USH2A: variants seen among roughly 807,000 people sequenced by gnomAD.
The protein encoded by USH2A is usherin, also known as Usher syndrome 2A (autosomal recessive, mild).
In USH2A, 443 loss-of-function variants were observed where a neutral mutation model predicts 538.9. The ratio of observed to expected loss-of-function variants is 0.82; its 90% CI spans 0.76 to 0.89. The LOEUF (loss-of-function observed/expected upper bound fraction) is 0.89. Ranked by LOEUF, USH2A falls within the 40% of genes least tolerant of loss-of-function variation. The pLI is 0.00. For missense variants in USH2A, 6,633 were observed against 6,324.8 expected (o/e 1.05, Z -1.65); for synonymous variants, 2,413 against 2,273.5 (o/e 1.06, Z -1.75).
At chr1:216,027,499 T>C (rs532060479) in intron 32 of USH2A, among the ~76,000 whole-genome samples, 12 of 152,314 alleles carry the variant, frequency 7.9e-5, no homozygotes, top group South Asian at 6.2e-4. Context: ...ATTAGAAATA[T>C]ACGTTATTAT....
intron 25 of USH2A, 117 bp from the exon 26 acceptor site, chr1:216,083,703 A>G: frequency 2.0e-6 from 2 of 1,009,690 alleles, no homozygotes; most frequent in South Asian, 1.7e-5. Context: ...ACAAAAGAAG[A>G]TGCAAATCAA....
chr1:216,358,219 T>C (rs2038423934), intron 4 of USH2A, among the ~76,000 whole-genome samples: 1 of 152,164 alleles, frequency 6.6e-6, no homozygotes, highest in Non-Finnish European at 1.5e-5. Flanking sequence ...AGGTTGTTAC[T>C]TTCTGGGTGC....
rs538421209 is a variant in USH2A at position 216,026,134 on chromosome 1, T to G, written c.6325+20297A>C. On this transcript the variant is annotated intron_variant, in intron 32 of 71. Transcript: ENST00000307340. ...GTTTGAATGAGAGTGGAAGGTATAG[T>G]AAACATGGGGATGGAATTTTCATCC... 1.3e-4 allele frequency among the ~76,000 whole-genome samples: 20 copies of G among 152,280 alleles called. 1 individual carries two copies.
chr1:215,808,937 C>A (rs935712459), intron 49 of USH2A, among the ~76,000 whole-genome samples: 2 of 152,044 alleles, frequency 1.3e-5, no homozygotes, highest in African/African-American at 4.8e-5. Context: ...TCAAGACATA[C>A]TCAGGATTTT....
chr1:215,781,797 G>A (rs747363471), intron 54 of USH2A, among the ~76,000 whole-genome samples: 1 of 152,162 alleles, frequency 6.6e-6, no homozygotes, highest in Non-Finnish European at 1.5e-5. Flanking sequence ...AGATGGTACT[G>A]CTTCAAGATT....
intron 52 of USH2A, 26 bp from the exon 53 acceptor site, chr1:215,782,961 A>T (rs1661690551): frequency 6.3e-7 from 1 of 1,599,930 alleles, no homozygotes; most frequent in Non-Finnish European, 8.5e-7. Flanking sequence ...ATAGACAGGG[A>T]AGTTTCTCTT....
rs577435024 is a variant in USH2A, at chr1:216,386,849, C to T, written c.652-21764G>A. Among the ~76,000 whole-genome samples the T allele has an allele frequency of 2.8e-4, 42 of 152,030 alleles. No individual in the cohort carries two copies. The South Asian group carries it at 8.5e-3, about 31-fold the overall frequency. Reference sequence around the variant, plus strand: ...CAGCCTGGGCGACAGAGTGAGACTCCGTCTCAATGAGAAAAAAATAATAAT... The same window carrying T: ...CAGCCTGGGCGACAGAGTGAGACTCTGTCTCAATGAGAAAAAAATAATAAT... On this transcript the variant is annotated intron_variant, in intron 3 of 71. Coordinates refer to ENST00000307340, the MANE Select transcript of USH2A (RefSeq NM_206933.4).
In USH2A at chr1:215,680,318, C is replaced by T. The variant is rs1658184450; in HGVS notation, c.12125G>A (p.Gly4042Asp). Residue 4042 changes from glycine to aspartate, a missense_variant, in exon 62 of 72, where the codon GGT becomes GAT. By Grantham distance (94) the Gly-to-Asp change is moderately conservative. Coordinates refer to ENST00000307340, the MANE Select transcript of USH2A (RefSeq NM_206933.4). Reference sequence around the variant, plus strand: ...TCCTGCATGGTTTGCAGCCACAACACCAATGCGATATGTTGTGAATGGTTC... The same window carrying T: ...TCCTGCATGGTTTGCAGCCACAACATCAATGCGATATGTTGTGAATGGTTC... ...GLEPFTTYRI[G>D]VVAANHAGEI... 6.2e-7 allele frequency: 1 copy of T among 1,613,956 alleles called. No homozygotes were observed. Among genetic ancestry groups the T allele is most frequent in the South Asian group, 1.1e-5 (1 of 91,084 alleles).
In USH2A at chr1:215,650,789, T is replaced by C. The variant is rs2102645078; in HGVS notation, c.14146A>G (p.Asn4716Asp). The C allele has an allele frequency of 6.2e-7, 1 of 1,611,226 alleles. No homozygotes were observed. Among genetic ancestry groups the C allele is most frequent in the Non-Finnish European group, 8.5e-7 (1 of 1,179,686 alleles). Reference protein sequence around the residue: ...TEYEYQVWAVNSAGKAPSSWT... With the variant: ...TEYEYQVWAVDSAGKAPSSWT... ...CTACTGGGGGCTTTTCCTGCAGAAT[T>C]CACTGCCCAGACCTCCAAAGAGAAA... Residue 4716 changes from asparagine (N) to aspartate (D), a missense_variant, in exon 65 of 72, where the codon AAT becomes GAT. Transcript: ENST00000307340.
At chr1:215,793,357 A>G (rs1274563330) in intron 50 of USH2A, among the ~76,000 whole-genome samples, 1 of 152,092 alleles carries the variant, frequency 6.6e-6, no homozygotes, top group African/African-American at 2.4e-5. Flanking sequence ...AAGCCAAGGG[A>G]TATTTTAGGC....
chr1:215,869,419 G>T (rs1446675439), intron 43 of USH2A, among the ~76,000 whole-genome samples: 1 of 152,142 alleles, frequency 6.6e-6, no homozygotes, highest in Non-Finnish European at 1.5e-5. Flanking sequence ...CTAGCAGAGG[G>T]AATAGATTTT....
At position 216,247,078 on chromosome 1, in the gene USH2A, G is replaced by C; in HGVS notation, c.2316C>G (p.Ala772=). 2 of 1,613,988 alleles carry C rather than the reference G, an allele frequency of 1.2e-6. No homozygotes were observed. Among genetic ancestry groups the C allele is most frequent in the Non-Finnish European group, 1.7e-6 (2 of 1,179,936 alleles). Reference sequence around the variant, plus strand: ...TGCAGGTGTCACACTGAAGTCCTTTGGCTTCTTTTTTGCACTCACACTGCC... The same window carrying C: ...TGCAGGTGTCACACTGAAGTCCTTTCGCTTCTTTTTTGCACTCACACTGCC... ...HSGQCECKKE[A]KGLQCDTCRE... The change falls in exon 13 of 72, where the codon GCC becomes GCG. Residue 772 remains alanine (A), a synonymous_variant. Coordinates refer to ENST00000307340, the MANE Select transcript of USH2A (RefSeq NM_206933.4).
In USH2A at chr1:216,268,482, T is replaced by C. The variant is rs529293394; in HGVS notation, c.1972-17384A>G. Among the ~76,000 whole-genome samples the C allele has an allele frequency of 3.9e-5, 6 of 152,264 alleles. No homozygotes were observed. The East Asian group carries it at 1.2e-3, about 29-fold the overall frequency. ...TAAAGATGAAGTGGAAGTATTACTC[T>C]GTACATTTCACACTGGTATAGAGCA... On this transcript the variant is annotated intron_variant, in intron 11 of 71. Coordinates refer to ENST00000307340, the MANE Select transcript of USH2A (RefSeq NM_206933.4).
At chr1:215,707,792 C>T (rs1267057696) in intron 61 of USH2A, among the ~76,000 whole-genome samples, 1 of 152,098 alleles carries the variant, frequency 6.6e-6, no homozygotes, top group Non-Finnish European at 1.5e-5. Flanking sequence ...ATGTAAAACT[C>T]ACCTTTCTGA....
chr1:215,850,941 G>A (rs1270875895), intron 44 of USH2A, among the ~76,000 whole-genome samples: 1 of 152,176 alleles, frequency 6.6e-6, no homozygotes, highest in Non-Finnish European at 1.5e-5. Flanking sequence ...GCTCCTGAAT[G>A]ATCATTGGGT....
At chr1:216,367,022 A>C (rs1004860871) in intron 3 of USH2A, among the ~76,000 whole-genome samples, 3 of 152,168 alleles carry the variant, frequency 2.0e-5, no homozygotes, top group Non-Finnish European at 4.4e-5. Flanking sequence ...TAACTAGTGA[A>C]AAGTTCTCAG....
intron 47 of USH2A, among the ~76,000 whole-genome samples, chr1:215,821,428 T>A (rs556967582): frequency 6.6e-6 from 1 of 151,890 alleles, no homozygotes; most frequent in South Asian, 2.1e-4. Flanking sequence ...CCTATTCAGA[T>A]CATTTTCCCA....
intron 37 of USH2A, among the ~76,000 whole-genome samples, chr1:215,954,167 G>A (rs1667001679): frequency 2.0e-5 from 3 of 151,998 alleles, no homozygotes; most frequent in Admixed American, 6.6e-5. Flanking sequence ...GATTCCTCAG[G>A]GATCTAGAAC....
intron 38 of USH2A, among the ~76,000 whole-genome samples, chr1:215,911,021 T>C (rs1239596365): frequency 6.6e-6 from 1 of 151,978 alleles, no homozygotes. Flanking sequence ...CCAGCCATCT[T>C]AGTTTTAATC....
Sources: allele counts gnomAD v4.1 joint callset (sites outside exome capture counted in the v4.1 genomes callset), GRCh38; gene constraint gnomAD v4.1.1; transcripts MANE v1.5; gene names NCBI Gene and HGNC (gene_info 2026-07-23, HGNC 2026-07-21).